Variants in DRC11 observed in about 807,000 individuals in gnomAD.
DRC11 encodes IQ and AAA domain-containing protein 1.
the DRC11 span, among the ~76,000 whole-genome samples, chr2:236,339,919 C>A: frequency 1.3e-5 from 2 of 152,292 alleles, no homozygotes; most frequent in Non-Finnish European, 2.9e-5. Context: ...GGATCAGTTA[C>A]CAATTTCTGC....
chr2:236,319,559 C>T, the DRC11 span, among the ~76,000 whole-genome samples: 1 of 152,198 alleles, frequency 6.6e-6, no homozygotes. This position sits in a 1 kb window ranked among gnomAD's most constrained non-coding sequence, Gnocchi z 6.7. Flanking sequence ...CTGTGACAGT[C>T]ACCTGACAAC....
the DRC11 span, among the ~76,000 whole-genome samples, chr2:236,352,319 A>G: frequency 1.3e-5 from 2 of 152,046 alleles, no homozygotes; most frequent in Non-Finnish European, 2.9e-5. This position sits in a 1 kb window ranked among gnomAD's most constrained non-coding sequence, Gnocchi z 7.0. Flanking sequence ...CTTCACAAAG[A>G]CGGGCAGACA....
chr2:236,502,277 A>T, the DRC11 span, among the ~76,000 whole-genome samples: 1 of 152,118 alleles, frequency 6.6e-6, no homozygotes, highest in Non-Finnish European at 1.5e-5. Flanking sequence ...TAACAAAAAT[A>T]CATCAATTAG....
the DRC11 span, among the ~76,000 whole-genome samples, chr2:236,353,803 G>A: frequency 6.6e-6 from 1 of 152,002 alleles, no homozygotes. This position sits in a 1 kb window ranked among gnomAD's most constrained non-coding sequence, Gnocchi z 5.0. Context: ...GCGGGGTTAG[G>A]GGTTAGGGAG....
chr2:236,504,501 T>C, the DRC11 span, among the ~76,000 whole-genome samples: 1 of 152,156 alleles, frequency 6.6e-6, no homozygotes. The surrounding 1 kb of genome is among the most constrained non-coding windows in gnomAD (Gnocchi z 5.0). Context: ...ACATTTAAAA[T>C]AGAAACCAGT....
the DRC11 span, among the ~76,000 whole-genome samples, chr2:236,461,281 C>T: frequency 6.6e-6 from 1 of 152,034 alleles, no homozygotes; most frequent in East Asian, 1.9e-4. The surrounding 1 kb of genome is among the most constrained non-coding windows in gnomAD (Gnocchi z 4.0). Flanking sequence ...GGGAAAGTTT[C>T]GGATAAGGGA....
chr2:236,326,682 G>A, the DRC11 span, among the ~76,000 whole-genome samples: 2 of 151,652 alleles, frequency 1.3e-5, no homozygotes, highest in Non-Finnish European at 2.9e-5. Context: ...TGGAAGTCAT[G>A]CTCTCATTTA....
the DRC11 span, among the ~76,000 whole-genome samples, chr2:236,342,239 C>G: frequency 1.3e-5 from 2 of 152,226 alleles, no homozygotes; most frequent in Admixed American, 6.5e-5. This position sits in a 1 kb window ranked among gnomAD's most constrained non-coding sequence, Gnocchi z 5.8. Context: ...CCTGGATGTT[C>G]TTCTCTGTGC....
the DRC11 span, chr2:236,344,677 T>A: frequency 6.7e-7 from 1 of 1,494,636 alleles, no homozygotes. Context: ...TGGTTGTAAA[T>A]GCACTTCCCT....
the DRC11 span, chr2:236,324,706 G>C: frequency 6.3e-7 from 1 of 1,589,680 alleles, no homozygotes; most frequent in Non-Finnish European, 8.6e-7. This position sits in a 1 kb window ranked among gnomAD's most constrained non-coding sequence, Gnocchi z 5.7. Context: ...TTTTCCCTTT[G>C]TCCTTTGCCT....
chr2:236,427,617 TTTTA>T, the DRC11 span, among the ~76,000 whole-genome samples: 1 of 152,138 alleles, frequency 6.6e-6, no homozygotes, highest in South Asian at 2.1e-4. The surrounding 1 kb of genome is among the most constrained non-coding windows in gnomAD (Gnocchi z 5.9). Context: ...TCATTTTTAA[TTTTA>T]TTTGTGTGAC....
At chr2:236,407,547 C>G in the DRC11 span, among the ~76,000 whole-genome samples, 2 of 152,146 alleles carry the variant, frequency 1.3e-5, no homozygotes, top group Admixed American at 1.3e-4. Flanking sequence ...GAATCTTTCT[C>G]TATATAAATA....
At chr2:236,441,286 ACTG>A in the DRC11 span, among the ~76,000 whole-genome samples, 1 of 152,188 alleles carries the variant, frequency 6.6e-6, no homozygotes. Flanking sequence ...AACTGAAGGT[ACTG>A]ATTACATTCA....
chr2:236,488,091 T>C, the DRC11 span: 1 of 1,610,176 alleles, frequency 6.2e-7, no homozygotes, highest in Non-Finnish European at 8.5e-7. Flanking sequence ...CAGATAGATT[T>C]GCTTCATGAA....
the DRC11 span, among the ~76,000 whole-genome samples, chr2:236,370,901 C>T: frequency 6.6e-6 from 1 of 152,032 alleles, no homozygotes; most frequent in African/African-American, 2.4e-5. The surrounding 1 kb of genome is among the most constrained non-coding windows in gnomAD (Gnocchi z 5.5). Flanking sequence ...TGGCTCTGTT[C>T]CTCCCCTTGT....
chr2:236,492,808 T>A, the DRC11 span, among the ~76,000 whole-genome samples: 2 of 152,310 alleles, frequency 1.3e-5, no homozygotes, highest in African/African-American at 4.8e-5. Context: ...GAGGTGGTCA[T>A]GAGAGTCAGG....
the DRC11 span, among the ~76,000 whole-genome samples, chr2:236,321,866 T>C: frequency 6.6e-6 from 1 of 152,128 alleles, no homozygotes; most frequent in African/African-American, 2.4e-5. Context: ...GGAAGTCTCT[T>C]GGGTAACCAC....
chr2:236,358,305 AT>A, the DRC11 span, among the ~76,000 whole-genome samples: 1 of 132,434 alleles, frequency 7.6e-6, no homozygotes, highest in Non-Finnish European at 1.5e-5. Flanking sequence ...TATATATAAT[AT>A]ATAGATATAT....
At chr2:236,366,007 G>T in the DRC11 span, among the ~76,000 whole-genome samples, 4 of 152,168 alleles carry the variant, frequency 2.6e-5, no homozygotes, top group African/African-American at 7.2e-5. Context: ...CCAAGGAAGT[G>T]CCCCTGCATC....
Sources: gnomAD v4.1 joint callset for allele counts (sites outside exome capture counted in the v4.1 genomes callset) on GRCh38, gnomAD v4.1.1 for gene constraint, Gnocchi (gnomAD v3.1) non-coding constraint, MANE v1.5 for transcripts, NCBI Gene and HGNC (gene_info 2026-07-23, HGNC 2026-07-21) for gene names.